GABBR2: variants seen among roughly 807,000 people sequenced by gnomAD.
The protein encoded by GABBR2 is G-protein coupled receptor 51.
In GABBR2, 23 loss-of-function variants were observed where a neutral mutation model predicts 105.6. That is an observed-to-expected ratio of 0.22 (90% CI 0.16 to 0.31). GABBR2 has a LOEUF of 0.31. GABBR2 is among the 10% of genes least tolerant of loss of function. The pLI is 1.00. For synonymous variants in GABBR2, 478 were observed against 499.7 expected (o/e 0.96, Z 0.58); for missense variants, 734 against 1,245.5 (o/e 0.59, Z 6.18).
At chr9:98,409,759 T>A (rs1233390732) in intron 7 of GABBR2, among the ~76,000 whole-genome samples, 1 of 152,088 alleles carries the variant, frequency 6.6e-6, no homozygotes, top group Non-Finnish European at 1.5e-5. Flanking sequence ...AATCCCGAGG[T>A]CCCCTGGGAT....
At chr9:98,375,950 T>C (rs1251588949) in intron 11 of GABBR2, among the ~76,000 whole-genome samples, 1 of 152,214 alleles carries the variant, frequency 6.6e-6, no homozygotes, top group Non-Finnish European at 1.5e-5. Context: ...CAACACCAAA[T>C]AGCTACTTCA....
At chr9:98,297,778 T>C (rs1418681336) in intron 17 of GABBR2, among the ~76,000 whole-genome samples, 1 of 151,480 alleles carries the variant, frequency 6.6e-6, no homozygotes. Flanking sequence ...TCCCAGCACT[T>C]TGGGAGGCTG....
At chr9:98,692,312 G>A (rs1003684109) in intron 1 of GABBR2, among the ~76,000 whole-genome samples, 3 of 152,172 alleles carry the variant, frequency 2.0e-5, no homozygotes, top group Non-Finnish European at 4.4e-5. Context: ...CACCTCCCCT[G>A]TGTGGCAAGC....
chr9:98,448,788 A>G (rs1236373337), intron 7 of GABBR2, among the ~76,000 whole-genome samples: 1 of 152,208 alleles, frequency 6.6e-6, no homozygotes, highest in Admixed American at 6.5e-5. Flanking sequence ...ACAAATCAGA[A>G]GATACATTTA....
chr9:98,392,714 C>T (rs1832203212), intron 9 of GABBR2, among the ~76,000 whole-genome samples: 1 of 152,186 alleles, frequency 6.6e-6, no homozygotes, highest in Admixed American at 6.5e-5. Flanking sequence ...CCAATTTCTG[C>T]TGACCCACTG....
At chr9:98,474,011 C>T (rs962779393) in intron 5 of GABBR2, among the ~76,000 whole-genome samples, 9 of 152,190 alleles carry the variant, frequency 5.9e-5, no homozygotes, top group East Asian at 1.9e-4. Flanking sequence ...ACCGAGAAGT[C>T]GCTCTGAATC....
intron 7 of GABBR2, among the ~76,000 whole-genome samples, chr9:98,413,796 C>T (rs1018068734): frequency 6.6e-6 from 1 of 152,266 alleles, no homozygotes; most frequent in African/African-American, 2.4e-5. Flanking sequence ...GAAGCGGGGA[C>T]CTAGAGAAGA....
At chr9:98,695,643 A>G (rs1358754243) in intron 1 of GABBR2, among the ~76,000 whole-genome samples, 1 of 152,224 alleles carries the variant, frequency 6.6e-6, no homozygotes, top group Non-Finnish European at 1.5e-5. Flanking sequence ...AGTAAAACTT[A>G]GTATAAAATC....
At chr9:98,531,640 A>G (rs1308360569) in intron 3 of GABBR2, among the ~76,000 whole-genome samples, 4 of 152,240 alleles carry the variant, frequency 2.6e-5, no homozygotes, top group South Asian at 2.1e-4. Context: ...GGTGGGTAGG[A>G]CAGAGCACTG....
At position 98,549,356 on chromosome 9, in the gene GABBR2, CATTT is replaced by C. The variant is rs760372086; in HGVS notation, c.460-7317_460-7314del. On this transcript the variant is annotated intron_variant, in intron 2 of 18. Transcript: ENST00000259455. ...CTTTTTTTTCATTTTTGGTTTATGC[CATTT>C]ATTTATTTAGTAAACCATATGTTCT... 1.2e-3 allele frequency among the ~76,000 whole-genome samples: 69 copies of C among 57,432 alleles called. 20 individuals are homozygous for C. Among genetic ancestry groups the C allele is most frequent in the Non-Finnish European group, 2.0e-3 (44 of 21,786 alleles). The allele number at this position is 57,432 out of a possible 152,430, so 37.7% of individuals were successfully genotyped here. A position where few individuals can be genotyped will look rare whatever the true frequency, so the allele number is the denominator to read the frequency against.
At chr9:98,522,702 AC>A (rs1318848616) in intron 3 of GABBR2, among the ~76,000 whole-genome samples, 1 of 152,250 alleles carries the variant, frequency 6.6e-6, no homozygotes, top group African/African-American at 2.4e-5. Context: ...TACTCATGCC[AC>A]AGAGAGATAA....
At chr9:98,532,111 T>C (rs1284873618) in intron 3 of GABBR2, among the ~76,000 whole-genome samples, 3 of 152,210 alleles carry the variant, frequency 2.0e-5, no homozygotes, top group Admixed American at 2.0e-4. Context: ...TTTCCTAGTG[T>C]ATAATAACAC....
intron 1 of GABBR2, among the ~76,000 whole-genome samples, chr9:98,610,540 T>C (rs1474206935): frequency 6.6e-6 from 1 of 152,192 alleles, no homozygotes; most frequent in Non-Finnish European, 1.5e-5. Flanking sequence ...GCTTATCCTG[T>C]AATATTCAGG....
intron 13 of GABBR2, among the ~76,000 whole-genome samples, chr9:98,316,268 C>T (rs868763890): frequency 3.9e-5 from 6 of 152,124 alleles, no homozygotes; most frequent in African/African-American, 1.4e-4. Context: ...TCTCCTGCCT[C>T]AGGCTCCCGA....
At chr9:98,521,131 T>C (rs754204580) in intron 3 of GABBR2, among the ~76,000 whole-genome samples, 1 of 152,176 alleles carries the variant, frequency 6.6e-6, no homozygotes, top group Non-Finnish European at 1.5e-5. Context: ...AGCTACCTCC[T>C]TCTGAAAGTG....
rs1830285880 is a variant in GABBR2, at chr9:98,290,526, C to G, written c.*58G>C. Reference sequence around the variant, plus strand: ...GAGCCGACAGTGTTTCTGCAGCAGACCCCTCTGCCCAGTGTGGTTCTGTCA... The same window carrying G: ...GAGCCGACAGTGTTTCTGCAGCAGAGCCCTCTGCCCAGTGTGGTTCTGTCA... On this transcript the variant is annotated 3_prime_UTR_variant, in exon 19 of 19. Transcript: ENST00000259455. 1 of 1,175,614 alleles carries G rather than the reference C, an allele frequency of 8.5e-7. No homozygotes were observed. The highest frequency in any genetic ancestry group is 1.6e-5 in the African/African-American group (1 of 63,492). 72.8% of individuals were successfully genotyped at this position (1,175,614 alleles called of 1,614,324 possible).
chr9:98,377,125 G>GA (rs78600354), intron 11 of GABBR2, among the ~76,000 whole-genome samples: 17,938 of 152,116 alleles, frequency 0.12, 2,704 homozygotes, highest in African/African-American at 0.35. Flanking sequence ...GAATGAGCAA[G>GA]AGGCCTTTCT....
intron 12 of GABBR2, among the ~76,000 whole-genome samples, chr9:98,365,385 A>C (rs1016624718): frequency 6.6e-6 from 1 of 152,228 alleles, no homozygotes; most frequent in South Asian, 2.1e-4. Context: ...AGACACAGTG[A>C]CATCTAGGGG....
chr9:98,513,883 T>C (rs1827703837), intron 3 of GABBR2, among the ~76,000 whole-genome samples: 1 of 152,200 alleles, frequency 6.6e-6, no homozygotes, highest in African/African-American at 2.4e-5. Flanking sequence ...GAAATACCAT[T>C]TGACCCAGCC....
Sources: gnomAD v4.1 joint callset for allele counts (sites outside exome capture counted in the v4.1 genomes callset) on GRCh38, gnomAD v4.1.1 for gene constraint, MANE v1.5 for transcripts, NCBI Gene and HGNC (gene_info 2026-07-23, HGNC 2026-07-21) for gene names.